Variants in CA12 observed in about 807,000 individuals in gnomAD.
CA12 encodes the protein carbonic anhydrase 12.
In CA12, 36 loss-of-function variants were observed where a neutral mutation model predicts 46.8. The ratio of observed to expected loss-of-function variants is 0.77; its 90% CI spans 0.59 to 1.02. The LOEUF (loss-of-function observed/expected upper bound fraction) is 1.02, where lower values mean the gene tolerates loss of function less well. CA12 is among the 50% of genes least tolerant of loss of function. CA12 has a pLI of 0.00. For missense variants in CA12, 436 were observed against 451.4 expected (o/e 0.97, Z 0.31); for synonymous variants, 202 against 187.0 (o/e 1.08, Z -0.65).
chr15:63,362,041 C>T (rs1444586289), intron 2 of CA12, among the ~76,000 whole-genome samples: 2 of 152,130 alleles, frequency 1.3e-5, no homozygotes, highest in Admixed American at 1.3e-4. Context: ...CTGCAAAAGG[C>T]CAGAGAGTAA....
intron 2 of CA12, among the ~76,000 whole-genome samples, chr15:63,360,772 T>G (rs1288252462): frequency 1.3e-5 from 2 of 152,226 alleles, no homozygotes; most frequent in African/African-American, 4.8e-5. Context: ...TTGAGGTTAT[T>G]TGTCCCCTCT....
intron 1 of CA12, among the ~76,000 whole-genome samples, chr15:63,376,557 C>CATTTCTTTCTTT (rs754259500): frequency 9.6e-6 from 1 of 104,526 alleles, no homozygotes; most frequent in South Asian, 3.9e-4. Flanking sequence ...CTCTTTCTTT[C>CATTTCTTTCTTT]CTTTCTTTCT....
chr15:63,332,167 AAATC>A (rs1347118841), intron 8 of CA12, among the ~76,000 whole-genome samples: 1 of 152,218 alleles, frequency 6.6e-6, no homozygotes, highest in African/African-American at 2.4e-5. Context: ...ACCTAATAAA[AAATC>A]AGAGAGTCAA....
intron 4 of CA12, among the ~76,000 whole-genome samples, chr15:63,343,145 A>G (rs1039317874): frequency 6.6e-6 from 1 of 152,024 alleles, no homozygotes; most frequent in African/African-American, 2.4e-5. Flanking sequence ...CTGAGGTCCT[A>G]AGCCCCTATT....
chr15:63,334,512 C>A (rs1018994509), intron 8 of CA12, among the ~76,000 whole-genome samples: 1 of 151,836 alleles, frequency 6.6e-6, no homozygotes, highest in Non-Finnish European at 1.5e-5. Context: ...CTGCCTTGGC[C>A]TCCCAAAATG....
rs745416558 is a variant in CA12, at chr15:63,345,532, G to A, written c.374C>T (p.Pro125Leu). 8 of 1,612,764 alleles carry A rather than the reference G, an allele frequency of 5.0e-6. No homozygotes were observed. Among genetic ancestry groups the A allele is most frequent in the Non-Finnish European group, 5.1e-6 (6 of 1,180,014 alleles). Residue 125 changes from proline (P) to leucine (L), a missense_variant, in exon 4 of 11, where the codon CCG becomes CTG. Coordinates refer to ENST00000178638, the MANE Select transcript of CA12 (RefSeq NM_001218.5). The surrounding 1 kb of genome is among the most constrained non-coding windows in gnomAD (Gnocchi z 4.3). ...GTGCTCAGAGCCGTGCGGGTCATTC[G>A]GGTTCCCCCAGTGCAGGTGCAGCTG... ...ATQLHLHWGN[P>L]NDPHGSEHTV...
intron 2 of CA12, among the ~76,000 whole-genome samples, chr15:63,367,156 A>G (rs956233140): frequency 2.6e-5 from 4 of 152,098 alleles, no homozygotes; most frequent in Non-Finnish European, 5.9e-5. Context: ...CCTGACCTCA[A>G]GTGATCCACC....
At position 63,330,211 on chromosome 15, in the gene CA12, C is replaced by G. The variant is rs925779649; in HGVS notation, c.875-2081G>C. On this transcript the variant is annotated intron_variant, in intron 8 of 10. Transcript: ENST00000178638. The surrounding 1 kb of genome is among the most constrained non-coding windows in gnomAD (Gnocchi z 4.0). ...GGGGAGGTACTGAGGACATGAGTCT[C>G]CACCTGGAGGGAGCTTCCAGTGTTT... is the stretch of plus-strand genomic sequence containing the variant. Among the ~76,000 whole-genome samples, 1 of 152,224 alleles carries G rather than the reference C, an allele frequency of 6.6e-6. No homozygotes were observed. The highest frequency in any genetic ancestry group is 1.9e-4 in the East Asian group (1 of 5,198).
intron 2 of CA12, among the ~76,000 whole-genome samples, chr15:63,352,733 C>T (rs2039249292): frequency 6.6e-6 from 1 of 152,102 alleles, no homozygotes; most frequent in Non-Finnish European, 1.5e-5. Context: ...GATGACACGC[C>T]CTTTTTCAAC....
intron 2 of CA12, among the ~76,000 whole-genome samples, chr15:63,365,109 G>A (rs1335604245): frequency 2.0e-5 from 3 of 152,182 alleles, no homozygotes; most frequent in South Asian, 2.1e-4. Context: ...CACCTCATCC[G>A]GACACACTGG....
rs917863066 is a variant in CA12, at chr15:63,339,613, G to A, written c.748-668C>T. Among the ~76,000 whole-genome samples, 3 of 152,224 alleles carry A rather than the reference G, an allele frequency of 2.0e-5. No homozygotes were observed. The highest frequency in any genetic ancestry group is 1.9e-4 in the East Asian group (1 of 5,196). On this transcript the variant is annotated intron_variant, in intron 7 of 10. Transcript: ENST00000178638. This position sits in a 1 kb window ranked among gnomAD's most constrained non-coding sequence, Gnocchi z 4.3. ...GAGCAGCTGTGAGGCTGCCCTGGAC[G>A]CATGAAGCTGGCGTGGGGCTGTGAG...
chr15:63,355,039 G>A lies in CA12; in HGVS notation c.107-8330C>T, dbSNP rs908800362. On this transcript the variant is annotated intron_variant, in intron 2 of 10. Coordinates refer to ENST00000178638, the MANE Select transcript of CA12 (RefSeq NM_001218.5). The surrounding 1 kb of genome is among the most constrained non-coding windows in gnomAD (Gnocchi z 4.1). Reference sequence around the variant, plus strand: ...CAGGCTGCCAAAGGTAAAGGGTGACGATCTGTTTGCTTTTGCTTCTCCATT... The same window carrying A: ...CAGGCTGCCAAAGGTAAAGGGTGACAATCTGTTTGCTTTTGCTTCTCCATT... 1.1e-4 allele frequency among the ~76,000 whole-genome samples: 17 copies of A among 152,144 alleles called. No individual in the cohort carries two copies. The highest frequency in any genetic ancestry group is 3.6e-4 in the African/African-American group (15 of 41,426).
chr15:63,371,635 C>T (rs373504740), intron 2 of CA12, among the ~76,000 whole-genome samples: 39 of 152,242 alleles, frequency 2.6e-4, no homozygotes, highest in Admixed American at 1.5e-3. Context: ...CATCCCATCG[C>T]GTTTAAGACT....
In CA12 at chr15:63,327,688, G is replaced by A. The variant is rs1293684386; in HGVS notation, c.907+410C>T. ...TCTGTCTTTGCCTGCTGGATTTAAG[G>A]CCCATTGGCTGTCTCCATCAGTTTT... On this transcript the variant is annotated intron_variant, in intron 9 of 10. Coordinates refer to ENST00000178638, the MANE Select transcript of CA12 (RefSeq NM_001218.5). This position sits in a 1 kb window ranked among gnomAD's most constrained non-coding sequence, Gnocchi z 4.5. Among the ~76,000 whole-genome samples, 1 of 152,030 alleles carries A rather than the reference G, an allele frequency of 6.6e-6. No homozygotes were observed. The highest frequency in any genetic ancestry group is 1.5e-5 in the Non-Finnish European group (1 of 67,988).
intron 2 of CA12, among the ~76,000 whole-genome samples, chr15:63,360,041 G>T (rs990108276): frequency 2.0e-5 from 3 of 152,238 alleles, no homozygotes; most frequent in Non-Finnish European, 4.4e-5. Context: ...GTCCAAAAGT[G>T]TGGAGGGTCA....
Position 63,381,721 on chromosome 15 carries a change from C to G in CA12, c.-1G>C. ...CCGCGTGCAGGCTGCGCCGGGGCAT[C>G]TTCGCGGGCTCCTGCGGGGCGGGCG... On this transcript the variant is annotated 5_prime_UTR_variant, in exon 1 of 11. Transcript: ENST00000178638. 1 of 1,592,072 alleles carries G rather than the reference C, an allele frequency of 6.3e-7. No individual in the cohort carries two copies. The highest frequency in any genetic ancestry group is 8.6e-7 in the Non-Finnish European group (1 of 1,169,494).
chr15:63,354,441 G>A (rs894001327), intron 2 of CA12, among the ~76,000 whole-genome samples: 9 of 150,110 alleles, frequency 6.0e-5, no homozygotes, highest in East Asian at 3.9e-4. Context: ...AGCTGGAGAC[G>A]GAGGGTTGAG....
Position 63,323,960 on chromosome 15 carries a change from TG to T in CA12, c.*2324del, listed in dbSNP as rs1460095000. 6.6e-6 allele frequency: 1 copy of T among 152,254 alleles called. No individual in the cohort carries two copies. Among genetic ancestry groups the T allele is most frequent in the Non-Finnish European group, 1.5e-5 (1 of 68,068 alleles). The allele number at this position is 152,254 out of a possible 1,614,324, so 9.4% of individuals were successfully genotyped here. ...TTTTTGCTATTTCCACCTAGGCATC[TG>T]CCATGCAGCAGAGTTAGGAGCGTGT... On this transcript the variant is annotated 3_prime_UTR_variant, in exon 11 of 11. Transcript: ENST00000178638. The surrounding 1 kb of genome is among the most constrained non-coding windows in gnomAD (Gnocchi z 5.1).
At chr15:63,380,726 C>T (rs72748948) in intron 1 of CA12, among the ~76,000 whole-genome samples, 7,430 of 152,262 alleles carry the variant, frequency 0.049, 230 homozygotes, top group Non-Finnish European at 0.074. Context: ...AGAGGAGGCT[C>T]AGAGCTTTTA....
Sources: gnomAD v4.1 joint callset for allele counts (sites outside exome capture counted in the v4.1 genomes callset) on GRCh38, gnomAD v4.1.1 for gene constraint, Gnocchi (gnomAD v3.1) non-coding constraint, MANE v1.5 for transcripts, NCBI Gene and HGNC (gene_info 2026-07-23, HGNC 2026-07-21) for gene names.